TBC1D9: variants seen among roughly 807,000 people sequenced by gnomAD.
TBC1D9 encodes the protein TBC1 domain family member 9A.
In TBC1D9, 63 loss-of-function variants were observed where a neutral mutation model predicts 132.0. The observed-to-expected ratio is 0.48, with a 90% CI of 0.39 to 0.59. The LOEUF (loss-of-function observed/expected upper bound fraction) is 0.59. Ranked by LOEUF, TBC1D9 falls within the 20% of genes least tolerant of loss-of-function variation. TBC1D9 has a pLI of 0.00. For synonymous variants in TBC1D9, 610 were observed against 609.9 expected (o/e 1.00, Z 0.00); for missense variants, 1,261 against 1,592.7 (o/e 0.79, Z 3.54).
At chr4:140,624,618 A>G (rs745494575) in intron 18 of TBC1D9, among the ~76,000 whole-genome samples, 20 of 152,240 alleles carry the variant, frequency 1.3e-4, no homozygotes, top group Admixed American at 2.6e-4. Flanking sequence ...TAGAGGGGAC[A>G]TACTTATACT....
chr4:140,701,632 G>A lies in TBC1D9; in HGVS notation c.131-18C>T. 1 of 1,597,182 alleles carries A rather than the reference G, an allele frequency of 6.3e-7. No individual in the cohort carries two copies. The highest frequency in any genetic ancestry group is 8.6e-7 in the Non-Finnish European group (1 of 1,165,032). On this transcript the variant is annotated intron_variant, in intron 1 of 20. Transcript: ENST00000442267. Reference sequence around the variant, plus strand: ...CAGCAGGCCTGAGGGTGGAAAGTGGGGAGAAACAGGTAAGAATTGCCTTAG... The same window carrying A: ...CAGCAGGCCTGAGGGTGGAAAGTGGAGAGAAACAGGTAAGAATTGCCTTAG...
At chr4:140,696,090 A>G (rs1027051861) in intron 2 of TBC1D9, among the ~76,000 whole-genome samples, 1 of 152,230 alleles carries the variant, frequency 6.6e-6, no homozygotes, top group Non-Finnish European at 1.5e-5. Flanking sequence ...CCCTTTCCCA[A>G]TTAAAGTTCT....
chr4:140,644,967 G>A (rs531877030), intron 13 of TBC1D9: 60 of 460,120 alleles, frequency 1.3e-4, no homozygotes, highest in African/African-American at 1.2e-3. Context: ...CAAGCCCCAG[G>A]GGTGTCCGGC....
At chr4:140,670,323 G>A (rs1389737834) in intron 7 of TBC1D9, among the ~76,000 whole-genome samples, 1 of 152,116 alleles carries the variant, frequency 6.6e-6, no homozygotes, top group African/African-American at 2.4e-5. Flanking sequence ...TGTTGGTCCA[G>A]GGAAGAATTC....
Position 140,634,785 on chromosome 4 carries a change from A to G in TBC1D9, c.2506-597T>C, listed in dbSNP as rs888026235. ...ATAAATAAGATCACAGTCACACAGTATTCAACCTACAAGTGTGTGGTCATC... is the reference window on the plus strand; with the variant it reads ...ATAAATAAGATCACAGTCACACAGTGTTCAACCTACAAGTGTGTGGTCATC... On this transcript the variant is annotated intron_variant, in intron 15 of 20. Transcript: ENST00000442267. Among the ~76,000 whole-genome samples, 12 of 152,326 alleles carry G rather than the reference A, an allele frequency of 7.9e-5. No individual in the cohort carries two copies. In the East Asian group the frequency reaches 2.1e-3, roughly 27 times the overall value.
At chr4:140,721,797 A>G (rs1476595838) in intron 1 of TBC1D9, among the ~76,000 whole-genome samples, 1 of 152,112 alleles carries the variant, frequency 6.6e-6, no homozygotes, top group East Asian at 1.9e-4. Context: ...GATCATTTTG[A>G]CCCAGTGTCT....
At chr4:140,641,501 C>T (rs756282343) in intron 13 of TBC1D9, among the ~76,000 whole-genome samples, 10 of 152,104 alleles carry the variant, frequency 6.6e-5, no homozygotes, top group South Asian at 4.2e-4. Context: ...TCAAGTCACA[C>T]GCCCACATGA....
At chr4:140,656,371 T>C (rs2110995649) in intron 13 of TBC1D9, among the ~76,000 whole-genome samples, 1 of 152,192 alleles carries the variant, frequency 6.6e-6, no homozygotes, top group Admixed American at 6.5e-5. Context: ...AATATATAAA[T>C]AAATAATCAA....
At chr4:140,655,758 C>T (rs777719458) in intron 13 of TBC1D9, among the ~76,000 whole-genome samples, 14 of 152,108 alleles carry the variant, frequency 9.2e-5, no homozygotes, top group Non-Finnish European at 1.6e-4. Flanking sequence ...AAAGCATCCT[C>T]CCCCATCCAA....
chr4:140,689,092 G>T (rs1401336942), intron 2 of TBC1D9, among the ~76,000 whole-genome samples: 1 of 152,068 alleles, frequency 6.6e-6, no homozygotes, highest in Non-Finnish European at 1.5e-5. Flanking sequence ...GGAACCACAG[G>T]ACTGAGTTCT....
At chr4:140,671,578 T>G (rs773231888) in intron 6 of TBC1D9, among the ~76,000 whole-genome samples, 2 of 152,126 alleles carry the variant, frequency 1.3e-5, no homozygotes, top group Non-Finnish European at 2.9e-5. Context: ...TTTTCATCCT[T>G]CACCTTCTAC....
At chr4:140,755,827 G>A in intron 1 of TBC1D9, 89 bp downstream of exon 1, 2 of 1,370,912 alleles carry the variant, frequency 1.5e-6, no homozygotes, top group South Asian at 1.7e-5. Context: ...AGGGGACCGG[G>A]CGGCGTCTCC....
At chr4:140,637,399 G>A (rs182872194) in intron 15 of TBC1D9, among the ~76,000 whole-genome samples, 307 of 151,744 alleles carry the variant, frequency 2.0e-3, no homozygotes, top group Non-Finnish European at 3.2e-3. Context: ...ACCAGATCCA[G>A]GACTTCTGTA....
In TBC1D9 at chr4:140,756,201, GCGGCGTC is replaced by G; in HGVS notation, c.-163_-157del. On this transcript the variant is annotated 5_prime_UTR_variant, in exon 1 of 21. It removes the in-frame stop codon of an upstream open reading frame in the 5' UTR. Transcript: ENST00000442267. This position sits in a 1 kb window ranked among gnomAD's most constrained non-coding sequence, Gnocchi z 5.6. ...GGCAGGCGACTTCAGGGGGTGGCCC[GCGGCGTC>G]CGGGCCACAACAAAGCCCCAGCAGG... 1 of 448,626 alleles carries G rather than the reference GCGGCGTC, an allele frequency of 2.2e-6. No homozygotes were observed. The highest frequency in any genetic ancestry group is 3.6e-6 in the Non-Finnish European group (1 of 275,342). The allele number at this position is 448,626 out of a possible 1,614,324, so 27.8% of individuals were successfully genotyped here.
intron 10 of TBC1D9, among the ~76,000 whole-genome samples, chr4:140,660,396 C>T (rs1737338421): frequency 6.6e-6 from 1 of 152,204 alleles, no homozygotes; most frequent in South Asian, 2.1e-4. Context: ...CAACTACCTC[C>T]TGTACTTCTT....
chr4:140,677,184 C>G, intron 5 of TBC1D9, 83 bp from the exon 6 acceptor site: 1 of 1,495,402 alleles, frequency 6.7e-7, no homozygotes, highest in Non-Finnish European at 9.1e-7. Flanking sequence ...TCCCCCAGCC[C>G]ATTTTCCACC....
In TBC1D9 at chr4:140,676,957, T is replaced by C; in HGVS notation, c.996A>G (p.Thr332=). ...MHILGQMFVS[T]NYICFTSKEE... is the part of the protein sequence containing the mutation. The stretch of plus-strand genomic sequence containing the variant: ...CCTTGCTGGTAAAACAGATGTAATT[T>C]GTGGACACAAACATCTGCCCCAAAA... The change falls in exon 6 of 21, where the codon ACA becomes ACG. Residue 332 remains threonine, a synonymous_variant. Coordinates refer to ENST00000442267, the MANE Select transcript of TBC1D9 (RefSeq NM_015130.3). 1.2e-6 allele frequency: 2 copies of C among 1,614,028 alleles called. No homozygotes were observed. Among genetic ancestry groups the C allele is most frequent in the Non-Finnish European group, 1.7e-6 (2 of 1,179,884 alleles).
In TBC1D9 at chr4:140,687,604, G is replaced by A. The variant is rs184432219; in HGVS notation, c.242-1142C>T. Among the ~76,000 whole-genome samples the A allele has an allele frequency of 1.5e-4, 23 of 151,750 alleles. No individual in the cohort carries two copies. The East Asian group carries it at 4.5e-3, about 30-fold the overall frequency. On this transcript the variant is annotated intron_variant, in intron 2 of 20. Transcript: ENST00000442267. ...AAAGACAGGAGACACAAATGTATCTGCAATTATACTCAGAACTGTGGCAGA... is the reference window on the plus strand; with the variant it reads ...AAAGACAGGAGACACAAATGTATCTACAATTATACTCAGAACTGTGGCAGA...
At chr4:140,748,578 A>G (rs1738873585) in intron 1 of TBC1D9, among the ~76,000 whole-genome samples, 1 of 152,242 alleles carries the variant, frequency 6.6e-6, no homozygotes, top group Non-Finnish European at 1.5e-5. Context: ...AGAAAACCTT[A>G]AAAGCAGTTA....
Sources: gnomAD v4.1 joint callset for allele counts (sites outside exome capture counted in the v4.1 genomes callset) on GRCh38, gnomAD v4.1.1 for gene constraint, Gnocchi (gnomAD v3.1) non-coding constraint, MANE v1.5 for transcripts, NCBI Gene and HGNC (gene_info 2026-07-23, HGNC 2026-07-21) for gene names.